The following PCCB variants were observed in gnomAD, a reference collection of about 807,000 sequenced individuals.
The protein encoded by PCCB is propionyl-CoA carboxylase beta chain, mitochondrial.
In PCCB, 43 loss-of-function variants were observed where a neutral mutation model predicts 60.7. That is an observed-to-expected ratio of 0.71 (90% CI 0.55 to 0.91). The LOEUF is 0.91. Among genes scored for constraint, PCCB ranks in the 40% least tolerant of loss-of-function variants. PCCB has a pLI of 0.00. For missense variants in PCCB, 766 were observed against 702.8 expected (o/e 1.09, Z -1.02); for synonymous variants, 276 against 255.9 (o/e 1.08, Z -0.75).
At chr3:136,262,166 G>A (rs1250967249) in intron 5 of PCCB, 101 bp downstream of exon 5, 7 of 778,342 alleles carry the variant, frequency 9.0e-6, no homozygotes, top group East Asian at 5.4e-5. Flanking sequence ...GTTCTCTGCC[G>A]CATTGTGTCT....
At chr3:136,256,725 TTTGGGGAAAATGAGGGA>T (rs1214371405) in intron 3 of PCCB, 102 bp downstream of exon 3, 1 of 844,182 alleles carries the variant, frequency 1.2e-6, no homozygotes, top group Non-Finnish European at 2.0e-6. Context: ...TTGCTTGTAG[TTTGGGGAAAATGAGGGA>T]TTTGCTTTGC....
chr3:136,284,747 C>G (rs1933297389), intron 6 of PCCB, among the ~76,000 whole-genome samples: 1 of 152,010 alleles, frequency 6.6e-6, no homozygotes, highest in African/African-American at 2.4e-5. Flanking sequence ...TAGTGATATA[C>G]CGAAAGTAGT....
intron 2 of PCCB, 160 bp downstream of exon 2, chr3:136,256,135 C>T (rs1941666071): frequency 9.6e-7 from 1 of 1,041,748 alleles, no homozygotes; most frequent in South Asian, 1.5e-5. Flanking sequence ...TAGAGATGGG[C>T]TTTCGCCATG....
At chr3:136,285,375 C>G (rs186762561) in intron 6 of PCCB, among the ~76,000 whole-genome samples, 1 of 152,248 alleles carries the variant, frequency 6.6e-6, no homozygotes, top group Admixed American at 6.5e-5. Context: ...TATCTTCAGT[C>G]TGTCCGTTGG....
chr3:136,256,195 G>A (rs1941667037), intron 2 of PCCB: 3 of 624,176 alleles, frequency 4.8e-6, no homozygotes, highest in East Asian at 2.9e-5. Context: ...CACCCACCTC[G>A]GACTCCCAAA....
chr3:136,266,029 G>A (rs1941973481), intron 5 of PCCB, among the ~76,000 whole-genome samples: 1 of 151,672 alleles, frequency 6.6e-6, no homozygotes, highest in Non-Finnish European at 1.5e-5. Context: ...GTTTCACCAT[G>A]TTAGCTAGGA....
intron 14 of PCCB, among the ~76,000 whole-genome samples, chr3:136,329,462 A>C (rs1935459122): frequency 6.6e-6 from 1 of 152,228 alleles, no homozygotes; most frequent in African/African-American, 2.4e-5. Context: ...TTTTTGCCAC[A>C]TTTTATAGGC....
intron 5 of PCCB, among the ~76,000 whole-genome samples, chr3:136,279,742 A>G (rs1942424494): frequency 6.6e-6 from 1 of 151,912 alleles, no homozygotes; most frequent in South Asian, 2.1e-4. Flanking sequence ...ATCTCGACTC[A>G]CTGCAAGCTC....
At chr3:136,303,677 C>G (rs1934364646) in intron 9 of PCCB, among the ~76,000 whole-genome samples, 1 of 122,156 alleles carries the variant, frequency 8.2e-6, no homozygotes, top group South Asian at 3.2e-4. Context: ...AATCTCTACT[C>G]ACTGCAACCC....
At chr3:136,299,826 ATG>A (rs1934157937) in intron 8 of PCCB, among the ~76,000 whole-genome samples, 1 of 148,962 alleles carries the variant, frequency 6.7e-6, no homozygotes, top group African/African-American at 2.6e-5. Flanking sequence ...ATGTGTATGT[ATG>A]TATATGCATG....
intron 6 of PCCB, among the ~76,000 whole-genome samples, chr3:136,288,717 A>G (rs954231879): frequency 2.0e-5 from 3 of 151,986 alleles, no homozygotes; most frequent in African/African-American, 4.8e-5. Flanking sequence ...ATAGCTTACC[A>G]CAGCCTCGAC....
chr3:136,321,429 C>T (rs1935105356), intron 10 of PCCB, among the ~76,000 whole-genome samples: 1 of 152,210 alleles, frequency 6.6e-6, no homozygotes, highest in Non-Finnish European at 1.5e-5. Flanking sequence ...AATTGACTCA[C>T]AGTTCCATAT....
intron 6 of PCCB, among the ~76,000 whole-genome samples, chr3:136,290,748 A>G (rs12330635): frequency 0.046 from 5,908 of 129,032 alleles, 155 homozygotes; most frequent in East Asian, 0.15. Flanking sequence ...GTGTCTGACA[A>G]TTTGGGGAAC....
intron 5 of PCCB, among the ~76,000 whole-genome samples, chr3:136,269,851 A>G (rs1942141005): frequency 7.1e-6 from 1 of 141,594 alleles, no homozygotes; most frequent in Non-Finnish European, 1.5e-5. Flanking sequence ...GTGCTACTGC[A>G]CTCCAGCCTG....
intron 3 of PCCB, among the ~76,000 whole-genome samples, chr3:136,258,569 C>T (rs146457335): frequency 1.3e-5 from 2 of 152,034 alleles, no homozygotes; most frequent in Non-Finnish European, 2.9e-5. Context: ...TTCTGGGGAG[C>T]CTCCTCAGTC....
chr3:136,258,225 A>G (rs1320171938), intron 3 of PCCB, among the ~76,000 whole-genome samples: 2 of 152,110 alleles, frequency 1.3e-5, no homozygotes, highest in African/African-American at 4.8e-5. Flanking sequence ...ACTTTTGACC[A>G]CCTCTTATGC....
chr3:136,298,003 G>A lies in PCCB; in HGVS notation c.815G>A (p.Arg272Gln), dbSNP rs150555106. The change falls in exon 8 of 15, where the codon CGG becomes CAG. Residue 272 changes from arginine (R) to glutamine (Q), a missense_variant. Arg to Gln is a conservative substitution (Grantham distance 43). Transcript: ENST00000251654. ...ENDVDALCNL[R>Q]DFFNYLPLSS... ...GATGTTGATGCCTTGTGTAATCTCC[G>A]GGATTTCTTCAACTACCTGCCCCTG... The A allele has an allele frequency of 2.0e-3, 3,165 of 1,614,118 alleles. 7 individuals are homozygous for A. Among genetic ancestry groups the A allele is most frequent in the Middle Eastern group, 0.014 (83 of 6,062 alleles).
At chr3:136,309,212 C>T (rs112066868) in intron 9 of PCCB, among the ~76,000 whole-genome samples, 11,097 of 145,516 alleles carry the variant, frequency 0.076, 440 homozygotes, top group Non-Finnish European at 0.094. Flanking sequence ...GCAGTGAGCC[C>T]AGATCGTGCC....
intron 5 of PCCB, among the ~76,000 whole-genome samples, chr3:136,268,088 A>ATATAGATATATATATATATATG (rs1942067948): frequency 2.7e-4 from 2 of 7,458 alleles, no homozygotes; most frequent in South Asian, 5.9e-3. Flanking sequence ...GTGTGTGTAG[A>ATATAGATATATATATATATATG]TATATATATA....
Sources: gnomAD v4.1 joint callset for allele counts (sites outside exome capture counted in the v4.1 genomes callset) on GRCh38, gnomAD v4.1.1 for gene constraint, MANE v1.5 for transcripts, NCBI Gene and HGNC (gene_info 2026-07-23, HGNC 2026-07-21) for gene names.